CALN1: variants seen among roughly 807,000 people sequenced by gnomAD.
The protein encoded by CALN1 is calneuron 1.
CALN1 carries 17 observed loss-of-function variants against 30.6 expected under a neutral mutation model. The observed-to-expected ratio is 0.56, with a 90% confidence interval of 0.38 to 0.83. The LOEUF is 0.83. Ranked by LOEUF, CALN1 falls within the 40% of genes least tolerant of loss-of-function variation. The pLI, the probability that CALN1 is intolerant of heterozygous loss-of-function variation, is 0.00. For missense variants in CALN1, 291 were observed against 354.9 expected (o/e 0.82, Z 1.45); for synonymous variants, 156 against 131.4 (o/e 1.19, Z -1.28).
chr7:72,346,613 T>C (rs915310746), intron 2 of CALN1, among the ~76,000 whole-genome samples: 1 of 152,092 alleles, frequency 6.6e-6, no homozygotes, highest in Non-Finnish European at 1.5e-5. Flanking sequence ...CCTCCCAGGT[T>C]CAAGCGATTC....
intron 4 of CALN1, among the ~76,000 whole-genome samples, chr7:72,076,643 A>AAAAAAAAAAAAAAAAAAC (rs1804760390): frequency 8.0e-6 from 1 of 125,650 alleles, no homozygotes; most frequent in East Asian, 2.2e-4. Context: ...AAAAAAAAAA[A>AAAAAAAAAAAAAAAAAAC]AAAAGCAAAG....
intron 3 of CALN1, among the ~76,000 whole-genome samples, chr7:72,169,326 G>A (rs962956649): frequency 1.3e-5 from 2 of 151,882 alleles, no homozygotes; most frequent in African/African-American, 2.4e-5. Flanking sequence ...TTATGGTTTT[G>A]TTTTTGGTTT....
intron 6 of CALN1, among the ~76,000 whole-genome samples, chr7:71,790,202 CAA>C (rs1368980977): frequency 3.1e-4 from 41 of 131,654 alleles, no homozygotes; most frequent in African/African-American, 1.1e-3. Context: ...AAGAGAGAAA[CAA>C]AGAAAGAAAG....
At chr7:72,323,677 A>T (rs2944827) in intron 2 of CALN1, among the ~76,000 whole-genome samples, 37,748 of 134,680 alleles carry the variant, frequency 0.28, 6,077 homozygotes, top group Middle Eastern at 0.44. Flanking sequence ...AAAAAAAATA[A>T]AAAATAAAGA....
At chr7:72,382,670 T>C (rs1411659519) in intron 2 of CALN1, among the ~76,000 whole-genome samples, 2 of 152,164 alleles carry the variant, frequency 1.3e-5, no homozygotes, top group African/African-American at 2.4e-5. Context: ...TATGTACACA[T>C]GTACCCAATG....
chr7:72,499,423 T>C, the CALN1 span, among the ~76,000 whole-genome samples: 1 of 152,120 alleles, frequency 6.6e-6, no homozygotes, highest in Non-Finnish European at 1.5e-5. Flanking sequence ...GATTCATGAG[T>C]TTTGTTTTCA....
chr7:72,114,622 G>C (rs142928557), intron 3 of CALN1, among the ~76,000 whole-genome samples: 2 of 152,256 alleles, frequency 1.3e-5, no homozygotes, highest in Non-Finnish European at 2.9e-5. Flanking sequence ...TGCAAATAAT[G>C]ATCAACTGAC....
chr7:72,100,508 C>T (rs1178039215), intron 4 of CALN1, among the ~76,000 whole-genome samples: 1 of 152,064 alleles, frequency 6.6e-6, no homozygotes, highest in African/African-American at 2.4e-5. Context: ...ATAGGAATAA[C>T]TCTCCCACAA....
At chr7:72,113,633 T>G (rs988308958) in intron 3 of CALN1, among the ~76,000 whole-genome samples, 13 of 152,196 alleles carry the variant, frequency 8.5e-5, no homozygotes, top group African/African-American at 3.1e-4. Context: ...AAATAAAGTT[T>G]TATTGGAACA....
chr7:72,376,522 T>C (rs1804566285), intron 2 of CALN1, among the ~76,000 whole-genome samples: 1 of 152,244 alleles, frequency 6.6e-6, no homozygotes. Flanking sequence ...TTTGGAGAAA[T>C]ATCTACTCTA....
At chr7:72,009,254 T>G (rs919566599) in intron 5 of CALN1, among the ~76,000 whole-genome samples, 4 of 152,164 alleles carry the variant, frequency 2.6e-5, no homozygotes, top group Non-Finnish European at 5.9e-5. Flanking sequence ...GTTAACTATG[T>G]TTCAAGAACT....
chr7:72,303,146 A>G (rs1799410784), intron 2 of CALN1, among the ~76,000 whole-genome samples: 1 of 152,168 alleles, frequency 6.6e-6, no homozygotes, highest in Non-Finnish European at 1.5e-5. Flanking sequence ...TCAGTGAATT[A>G]TTTCAGCAAC....
chr7:72,106,359 G>A lies in CALN1; in HGVS notation c.245-65C>T. The A allele has an allele frequency of 4.4e-6, 7 of 1,593,858 alleles. No individual in the cohort carries two copies. In the South Asian group the frequency reaches 6.7e-5, roughly 15 times the overall value. ...CTGGCTTTATTGCACTGCAGTTATT[G>A]GTGATTGCCTACTGAGAACTCCTAA... On this transcript the variant is annotated intron_variant, in intron 3 of 6. Transcript: ENST00000395275.
intron 5 of CALN1, among the ~76,000 whole-genome samples, chr7:71,987,456 G>A (rs1290643041): frequency 6.6e-6 from 1 of 152,226 alleles, no homozygotes; most frequent in African/African-American, 2.4e-5. Flanking sequence ...AATGCATGAT[G>A]CAGGCATTAG....
chr7:72,108,934 C>T (rs916182752), intron 3 of CALN1, among the ~76,000 whole-genome samples: 1 of 152,184 alleles, frequency 6.6e-6, no homozygotes, highest in African/African-American at 2.4e-5. Context: ...CTCACCATAG[C>T]CAAGTTATCT....
At chr7:72,194,592 C>CTT (rs1181135798) in intron 3 of CALN1, among the ~76,000 whole-genome samples, 12,422 of 115,584 alleles carry the variant, frequency 0.11, 964 homozygotes, top group Admixed American at 0.16. Flanking sequence ...TAACTGGCCT[C>CTT]TTTTTTTTTT....
At chr7:72,002,722 A>G (rs997159357) in intron 5 of CALN1, among the ~76,000 whole-genome samples, 1 of 152,228 alleles carries the variant, frequency 6.6e-6, no homozygotes, top group African/African-American at 2.4e-5. Context: ...TATTATATTC[A>G]GCTTTTAAAA....
At chr7:72,333,785 G>C (rs1386545994) in intron 2 of CALN1, among the ~76,000 whole-genome samples, 2 of 151,686 alleles carry the variant, frequency 1.3e-5, no homozygotes, top group Non-Finnish European at 2.9e-5. Context: ...TTTTGCTGTG[G>C]GATTCTCCTT....
At chr7:72,394,577 ACATT>A (rs975305034) in intron 2 of CALN1, among the ~76,000 whole-genome samples, 7 of 152,122 alleles carry the variant, frequency 4.6e-5, no homozygotes, top group African/African-American at 1.7e-4. Flanking sequence ...CAATGTGATC[ACATT>A]CATAATAATA....
Sources: gnomAD v4.1 joint callset for allele counts (sites outside exome capture counted in the v4.1 genomes callset) on GRCh38, gnomAD v4.1.1 for gene constraint, MANE v1.5 for transcripts, NCBI Gene and HGNC (gene_info 2026-07-23, HGNC 2026-07-21) for gene names.